PHKA1: variants seen among roughly 807,000 people sequenced by gnomAD.
The protein encoded by PHKA1 is phosphorylase kinase regulatory subunit alpha 1.
A neutral mutation model predicts 110.2 loss-of-function variants in PHKA1; 60 were observed. The ratio of observed to expected loss-of-function variants is 0.54; its 90% CI spans 0.44 to 0.68. PHKA1 has a LOEUF of 0.68. PHKA1 is among the 30% of genes least tolerant of loss of function. PHKA1 has a pLI of 0.00. For missense variants in PHKA1, 801 were observed against 942.5 expected (o/e 0.85, Z 1.97); for synonymous variants, 316 against 333.6 (o/e 0.95, Z 0.58).
intron 6 of PHKA1, among the ~76,000 whole-genome samples, chrX:72,671,535 C>T (rs1456185456): frequency 9.0e-6 from 1 of 111,645 alleles, no homozygotes; most frequent in Non-Finnish European, 1.9e-5. Flanking sequence ...AGATTCAATG[C>T]CATCCCCATC....
intron 3 of PHKA1, among the ~76,000 whole-genome samples, chrX:72,700,181 T>G (rs2054187914): frequency 8.9e-6 from 1 of 112,602 alleles, no homozygotes; most frequent in Non-Finnish European, 1.9e-5. Flanking sequence ...GCTTCTTGTT[T>G]AGAAAATTAA....
chrX:72,643,287 AAACT>A (rs782352850), intron 14 of PHKA1, among the ~76,000 whole-genome samples: 12 of 111,359 alleles, frequency 1.1e-4, no homozygotes, highest in Non-Finnish European at 2.1e-4. Flanking sequence ...ACACATATAC[AAACT>A]AACTTCTGGG....
chrX:72,687,589 C>A (rs1180587821), intron 4 of PHKA1, among the ~76,000 whole-genome samples: 1 of 110,947 alleles, frequency 9.0e-6, no homozygotes, highest in African/African-American at 3.3e-5. Context: ...CAAATGCTAT[C>A]TCCTCTGTGA....
chrX:72,584,140 G>C, intron 30 of PHKA1, 109 bp downstream of exon 30: 1 of 650,894 alleles, frequency 1.5e-6, no homozygotes, highest in Non-Finnish European at 2.5e-6. Context: ...TTCATGTTCA[G>C]TTGATTTATA....
chrX:72,678,540 A>G (rs1845478151), intron 5 of PHKA1, among the ~76,000 whole-genome samples: 2 of 111,812 alleles, frequency 1.8e-5, no homozygotes, highest in African/African-American at 3.3e-5. Context: ...TACTGTTATA[A>G]TCATTGGATA....
intron 4 of PHKA1, among the ~76,000 whole-genome samples, chrX:72,685,884 C>T (rs12687470): frequency 0.069 from 7,699 of 111,106 alleles, 827 homozygotes; most frequent in East Asian, 0.67. Context: ...ATTTTTTGTT[C>T]GCATTTGTCA....
At chrX:72,676,276 T>C (rs2053778670) in intron 5 of PHKA1, 126 bp from the exon 6 acceptor site, 5 of 421,260 alleles carry the variant, frequency 1.2e-5, no homozygotes, top group South Asian at 4.6e-5. Flanking sequence ...TATATATATA[T>C]ACCCACAATG....
intron 6 of PHKA1, among the ~76,000 whole-genome samples, chrX:72,674,115 G>A (rs782709792): frequency 9.1e-6 from 1 of 109,370 alleles, no homozygotes; most frequent in East Asian, 2.9e-4. Flanking sequence ...CTTCATCCAT[G>A]TCCCCACAAA....
chrX:72,636,991 T>C (rs1335002417), intron 14 of PHKA1, among the ~76,000 whole-genome samples: 4 of 112,032 alleles, frequency 3.6e-5, no homozygotes, highest in Non-Finnish European at 5.6e-5. Flanking sequence ...TTACCTGAGA[T>C]TGATGTCACA....
intron 28 of PHKA1, among the ~76,000 whole-genome samples, chrX:72,595,520 A>G (rs1434909834): frequency 8.9e-6 from 1 of 112,361 alleles, no homozygotes; most frequent in Non-Finnish European, 1.9e-5. Flanking sequence ...TGCAGATGAC[A>G]TGATCTTGTA....
At chrX:72,593,771 C>T (rs1425951465) in intron 28 of PHKA1, among the ~76,000 whole-genome samples, 10 of 112,520 alleles carry the variant, frequency 8.9e-5, no homozygotes, top group East Asian at 8.4e-4. Flanking sequence ...CAGTGCTGTA[C>T]GCTGGTACAA....
intron 14 of PHKA1, 25 bp downstream of exon 14, chrX:72,644,337 C>G: frequency 8.3e-7 from 1 of 1,204,307 alleles, no homozygotes; most frequent in Non-Finnish European, 1.1e-6. Flanking sequence ...TGCTTTGATT[C>G]TAGCAGGCTA....
At chrX:72,710,001 C>T (rs896579281) in intron 2 of PHKA1, among the ~76,000 whole-genome samples, 15 of 100,502 alleles carry the variant, frequency 1.5e-4, no homozygotes, top group Non-Finnish European at 2.6e-4. Context: ...GAGATCGCAC[C>T]GCCGCACTCC....
intron 18 of PHKA1, chrX:72,622,247 T>C: frequency 1.3e-6 from 1 of 754,420 alleles, no homozygotes. Flanking sequence ...TGTGTTGTCC[T>C]ATTGTATGAG....
chrX:72,603,068 A>G (rs782415920), intron 26 of PHKA1, 51 bp downstream of exon 26: 1 of 808,265 alleles, frequency 1.2e-6, no homozygotes, highest in East Asian at 3.2e-5. Context: ...AAAACCAATG[A>G]GACACTTAAA....
rs781851038 is a variant in PHKA1, at chrX:72,581,189, A to G, written c.3499-14T>C. 1.8e-6 allele frequency: 2 copies of G among 1,123,565 alleles called. No homozygotes were observed. Among genetic ancestry groups the G allele is most frequent in the Admixed American group, 2.2e-5 (1 of 45,571 alleles). The allele number at this position is 1,123,565 out of a possible 1,213,427, so 92.6% of individuals were successfully genotyped here. A position where few individuals can be genotyped will look rare whatever the true frequency, so the allele number is the denominator to read the frequency against. ...GCCAAGGGTTTTCTGTTTGGTTTTTAAGGGTAGAAGAACATAGGGGAAAGG... is the reference window on the plus strand; with the variant it reads ...GCCAAGGGTTTTCTGTTTGGTTTTTGAGGGTAGAAGAACATAGGGGAAAGG... On this transcript the variant is annotated splice_polypyrimidine_tract_variant and intron_variant, in intron 31 of 31. Transcript: ENST00000373542.
intron 8 of PHKA1, chrX:72,660,730 GC>G: frequency 3.3e-6 from 1 of 306,775 alleles, no homozygotes; most frequent in Non-Finnish European, 6.2e-6. Context: ...CTTAAGATGT[GC>G]AAGAAGATTT....
intron 5 of PHKA1, among the ~76,000 whole-genome samples, chrX:72,681,846 T>TG (rs1161113518): frequency 1.3e-4 from 2 of 15,577 alleles, no homozygotes. Flanking sequence ...GGGAGGGAGG[T>TG]GGGGGGGTCA....
At chrX:72,670,067 A>G (rs782035221) in intron 6 of PHKA1, among the ~76,000 whole-genome samples, 135 of 110,896 alleles carry the variant, frequency 1.2e-3, no homozygotes, top group Middle Eastern at 4.7e-3. Context: ...TTTAATGATC[A>G]CCGTTCTAAC....
Sources: allele counts gnomAD v4.1 joint callset (sites outside exome capture counted in the v4.1 genomes callset), GRCh38; gene constraint gnomAD v4.1.1; transcripts MANE v1.5; gene names NCBI Gene and HGNC (gene_info 2026-07-23, HGNC 2026-07-21).